The following NBEA variants were observed in gnomAD, a reference collection of about 807,000 sequenced individuals.
NBEA encodes the protein neurobeachin.
Under a neutral mutation model 343.4 loss-of-function variants are expected in NBEA, and 44 were observed. The observed-to-expected ratio is 0.13, with a 90% CI of 0.10 to 0.16. NBEA has a LOEUF of 0.16. Among genes scored for constraint, NBEA ranks in the 10% least tolerant of loss-of-function variants. The pLI, the probability that NBEA is intolerant of heterozygous loss-of-function variation, is 1.00. For synonymous variants in NBEA, 1,175 were observed against 1,238.7 expected (o/e 0.95, Z 1.08); for missense variants, 2,555 against 3,631.3 (o/e 0.70, Z 7.62).
intron 49 of NBEA, among the ~76,000 whole-genome samples, chr13:35,640,255 C>A (rs537393969): frequency 6.6e-6 from 1 of 152,176 alleles, no homozygotes; most frequent in African/African-American, 2.4e-5. Flanking sequence ...GGAGGTAGAA[C>A]TTCCTTGGAA....
At chr13:35,586,278 G>C (rs2081290641) in intron 46 of NBEA, among the ~76,000 whole-genome samples, 1 of 152,124 alleles carries the variant, frequency 6.6e-6, no homozygotes, top group Non-Finnish European at 1.5e-5. Context: ...CAGAAATTTA[G>C]TATGAATACA....
At chr13:35,431,685 A>G (rs1594616569) in intron 38 of NBEA, among the ~76,000 whole-genome samples, 1 of 152,298 alleles carries the variant, frequency 6.6e-6, no homozygotes, top group Non-Finnish European at 1.5e-5. Context: ...CTAATTCAGT[A>G]TTATTAATAA....
chr13:35,082,449 A>T (rs930581636), intron 10 of NBEA, among the ~76,000 whole-genome samples: 1 of 152,116 alleles, frequency 6.6e-6, no homozygotes, highest in Non-Finnish European at 1.5e-5. Flanking sequence ...GGGATGGCTG[A>T]GTCAAATGAT....
At chr13:35,644,759 T>G (rs986880694) in intron 49 of NBEA, among the ~76,000 whole-genome samples, 1 of 152,230 alleles carries the variant, frequency 6.6e-6, no homozygotes, top group African/African-American at 2.4e-5. Flanking sequence ...AATGTGAACC[T>G]AACCAGAAAT....
At chr13:35,111,167 A>T (rs1417517199) in intron 13 of NBEA, among the ~76,000 whole-genome samples, 189 bp downstream of exon 13, 1 of 152,174 alleles carries the variant, frequency 6.6e-6, no homozygotes, top group Non-Finnish European at 1.5e-5. Flanking sequence ...ATTATTTCGG[A>T]ATAAAATCAG....
chr13:35,432,145 G>GT (rs2045160393), intron 38 of NBEA, 124 bp from the exon 39 acceptor site: 1 of 621,194 alleles, frequency 1.6e-6, no homozygotes, highest in African/African-American at 1.9e-5. Context: ...TAAAATATAA[G>GT]TATCTCCAAA....
rs534372403 is a variant in NBEA at position 35,423,859 on chromosome 13, C to T, written c.6180-8410C>T. 6.6e-5 allele frequency among the ~76,000 whole-genome samples: 10 copies of T among 152,188 alleles called. No homozygotes were observed. In the South Asian group the frequency reaches 1.9e-3, roughly 28 times the overall value. ...GGTTTGTAGTTCTCCTTGAAGAGGTCCTTCATATCCGTTGTAAGTTGGATT... is the reference window on the plus strand; with the variant it reads ...GGTTTGTAGTTCTCCTTGAAGAGGTTCTTCATATCCGTTGTAAGTTGGATT... On this transcript the variant is annotated intron_variant, in intron 38 of 58. Transcript: ENST00000379939.
At position 35,117,410 on chromosome 13, in the gene NBEA, C is replaced by A; in HGVS notation, c.2003-4C>A. ...ATTTTACTTTTTTTTCTGTTTTGTT[C>A]TAGATGGTCCCCGGCCATCACAAAA... is the stretch of plus-strand genomic sequence containing the variant. On this transcript the variant is annotated splice_polypyrimidine_tract_variant and splice_region_variant and intron_variant, in intron 13 of 58. Coordinates refer to ENST00000379939, the MANE Select transcript of NBEA (RefSeq NM_001385012.1). 7.5e-7 allele frequency: 1 copy of A among 1,327,878 alleles called. No individual in the cohort carries two copies. Among genetic ancestry groups the A allele is most frequent in the Non-Finnish European group, 9.7e-7 (1 of 1,030,030 alleles). 82.3% of individuals were successfully genotyped at this position (1,327,878 alleles called of 1,614,324 possible).
At chr13:35,091,918 C>T (rs1167336194) in intron 10 of NBEA, among the ~76,000 whole-genome samples, 2 of 151,824 alleles carry the variant, frequency 1.3e-5, no homozygotes, top group Non-Finnish European at 2.9e-5. Context: ...TTAATGTAGA[C>T]AAGATGAGTC....
chr13:34,966,049 A>G (rs1473543373), intron 1 of NBEA, among the ~76,000 whole-genome samples: 1 of 152,078 alleles, frequency 6.6e-6, no homozygotes, highest in East Asian at 1.9e-4. Flanking sequence ...AATGTTAAAT[A>G]TGAAAAAATG....
In NBEA at chr13:35,322,655, T is replaced by G. The variant is rs1328709482; in HGVS notation, c.5903+13063T>G. On this transcript the variant is annotated intron_variant, in intron 36 of 58. Transcript: ENST00000379939. ...TAATTAGTTAATAAACATACTGAGT[T>G]TCATACGTGAAACATGACTTTTACA... Among the ~76,000 whole-genome samples the G allele has an allele frequency of 3.9e-5, 6 of 152,326 alleles. No homozygotes were observed. The East Asian group carries it at 1.2e-3, about 29-fold the overall frequency.
At chr13:35,054,254 A>G (rs2063165553) in intron 6 of NBEA, among the ~76,000 whole-genome samples, 1 of 152,136 alleles carries the variant, frequency 6.6e-6, no homozygotes, top group African/African-American at 2.4e-5. Context: ...GAATATTTTC[A>G]AATTCAGTGA....
chr13:35,052,311 C>A (rs2063091768), intron 6 of NBEA, among the ~76,000 whole-genome samples: 1 of 151,946 alleles, frequency 6.6e-6, no homozygotes, highest in African/African-American at 2.4e-5. Flanking sequence ...TTTGCTTTCC[C>A]AGCTGTACCA....
chr13:34,950,619 T>G (rs1038228220), intron 1 of NBEA, among the ~76,000 whole-genome samples: 1 of 151,594 alleles, frequency 6.6e-6, no homozygotes, highest in African/African-American at 2.4e-5. Context: ...TAAAAAAATT[T>G]TAAATACTTT....
intron 34 of NBEA, among the ~76,000 whole-genome samples, chr13:35,243,843 CA>C (rs1463929552): frequency 6.6e-6 from 1 of 151,728 alleles, no homozygotes; most frequent in Non-Finnish European, 1.5e-5. Context: ...ATAAAGCAAC[CA>C]GGTAAAAGGT....
intron 1 of NBEA, among the ~76,000 whole-genome samples, chr13:34,991,958 C>T (rs2060765031): frequency 6.7e-6 from 1 of 149,226 alleles, no homozygotes; most frequent in Non-Finnish European, 1.5e-5. Context: ...AAAAAATGTA[C>T]CACTGTCTTA....
intron 14 of NBEA, 57 bp downstream of exon 14, chr13:35,117,550 G>A: frequency 1.2e-6 from 1 of 864,674 alleles, no homozygotes; most frequent in Non-Finnish European, 1.6e-6. Context: ...AGGAATTTCT[G>A]GCATGTTTTA....
intron 46 of NBEA, chr13:35,593,075 C>G (rs2081610680): frequency 2.7e-6 from 1 of 371,410 alleles, no homozygotes; most frequent in African/African-American, 2.1e-5. Context: ...TCGTAGAGCA[C>G]TGGAACCCCA....
chr13:35,361,829 T>C (rs1029417009), intron 38 of NBEA, among the ~76,000 whole-genome samples: 1 of 151,990 alleles, frequency 6.6e-6, no homozygotes, highest in African/African-American at 2.4e-5. Flanking sequence ...AACCTAAATA[T>C]TTTAACAGAT....
Sources: gnomAD v4.1 joint callset for allele counts (sites outside exome capture counted in the v4.1 genomes callset) on GRCh38, gnomAD v4.1.1 for gene constraint, MANE v1.5 for transcripts, NCBI Gene and HGNC (gene_info 2026-07-23, HGNC 2026-07-21) for gene names.